The following PPEF2 variants were observed in gnomAD, a reference collection of about 807,000 sequenced individuals.
The protein encoded by PPEF2 is protein phosphatase with EF-hand domain 2.
Under a neutral mutation model 84.7 loss-of-function variants are expected in PPEF2, and 84 were observed. The ratio of observed to expected loss-of-function variants is 0.99; its 90% CI spans 0.83 to 1.19. The LOEUF is 1.19. Ranked by LOEUF, PPEF2 falls within the 50% of genes most tolerant of loss-of-function variation. The pLI is 0.00. For missense variants in PPEF2, 924 were observed against 937.5 expected, an observed-to-expected ratio of 0.99 and a Z score of 0.19; for synonymous variants, 346 against 345.2, an observed-to-expected ratio of 1.00 and a Z score of -0.03.
chr4:75,863,335 CA>C (rs55667727), intron 16 of PPEF2, among the ~76,000 whole-genome samples: 14,198 of 140,718 alleles, frequency 0.1, 1,666 homozygotes, highest in African/African-American at 0.29. Context: ...ACTAAAAATA[CA>C]AAAAAAAAAA....
chr4:75,897,918 T>G (rs932293191), intron 1 of PPEF2, among the ~76,000 whole-genome samples: 1 of 152,178 alleles, frequency 6.6e-6, no homozygotes, highest in Non-Finnish European at 1.5e-5. Context: ...GGAAATCAGG[T>G]GTCTCACAGC....
At chr4:75,881,289 AG>A (rs1040566270) in intron 10 of PPEF2, 1 of 151,076 alleles carries the variant, frequency 6.6e-6, no homozygotes, top group African/African-American at 2.4e-5. Flanking sequence ...TAGTAGAGAA[AG>A]GGTTTCACCA....
chr4:75,872,506 T>A (rs1044657154), intron 12 of PPEF2, among the ~76,000 whole-genome samples: 1 of 152,170 alleles, frequency 6.6e-6, no homozygotes, highest in Non-Finnish European at 1.5e-5. Flanking sequence ...GCCATTACAA[T>A]GAGCAAGAAG....
intron 8 of PPEF2, chr4:75,883,575 T>G (rs780823324): frequency 6.1e-5 from 12 of 195,702 alleles, no homozygotes; most frequent in Middle Eastern, 2.3e-3. Flanking sequence ...TCCCAGCACT[T>G]TGGGAGGCTG....
intron 11 of PPEF2, among the ~76,000 whole-genome samples, chr4:75,874,584 C>A (rs1724363179): frequency 6.6e-6 from 1 of 152,182 alleles, no homozygotes; most frequent in African/African-American, 2.4e-5. Flanking sequence ...CAGGCGTGAG[C>A]CACCACACTT....
chr4:75,862,404 T>C (rs1289578271), intron 16 of PPEF2, among the ~76,000 whole-genome samples: 1 of 151,916 alleles, frequency 6.6e-6, no homozygotes, highest in African/African-American at 2.4e-5. Flanking sequence ...GGCATATGTC[T>C]GATACTATCC....
chr4:75,883,963 T>C (rs1193309525), intron 8 of PPEF2, among the ~76,000 whole-genome samples: 1 of 146,736 alleles, frequency 6.8e-6, no homozygotes, highest in African/African-American at 2.5e-5. Flanking sequence ...AACCCGTCTC[T>C]ACTAAAAATA....
intron 10 of PPEF2, 64 bp downstream of exon 10, chr4:75,882,862 A>G: frequency 1.3e-6 from 2 of 1,531,114 alleles, no homozygotes; most frequent in Non-Finnish European, 8.9e-7. Flanking sequence ...ATGTAAGATG[A>G]CATTTATATT....
intron 16 of PPEF2, among the ~76,000 whole-genome samples, chr4:75,862,563 G>A (rs1468988085): frequency 6.6e-6 from 1 of 151,926 alleles, no homozygotes; most frequent in East Asian, 1.9e-4. Context: ...AACATCATTA[G>A]TTATTAAGGA....
At chr4:75,879,218 G>A (rs1480148599) in intron 10 of PPEF2, among the ~76,000 whole-genome samples, 1 of 152,154 alleles carries the variant, frequency 6.6e-6, no homozygotes, top group South Asian at 2.1e-4. Context: ...GCCTTGCAAT[G>A]TTCATAAAAT....
chr4:75,887,313 G>A (rs990268517), intron 6 of PPEF2, among the ~76,000 whole-genome samples: 1 of 152,164 alleles, frequency 6.6e-6, no homozygotes, highest in African/African-American at 2.4e-5. Flanking sequence ...AATTTCCAAT[G>A]TTGAAATACC....
chr4:75,861,571 G>A (rs183889850), intron 16 of PPEF2, among the ~76,000 whole-genome samples: 51 of 143,034 alleles, frequency 3.6e-4, no homozygotes, highest in African/African-American at 1.2e-3. Flanking sequence ...ACTCTTAGAA[G>A]CAAACATAAG....
rs1723979406 is a variant in PPEF2, at chr4:75,860,772, C to T, written c.2157G>A (p.Glu719=). Residue 719 remains glutamate (E), a synonymous_variant, in exon 17 of 17, where the codon GAG becomes GAA. Transcript: ENST00000286719. ...DGHIDINEFL[E]AFRLVEKSCP... is the part of the protein sequence containing the mutation. ...AGGATTTCTCCACAAGGCGGAAGGC[C>T]TCCAGGAACTCATTGATATCAATGT... is the stretch of plus-strand genomic sequence containing the variant. 6.2e-7 allele frequency: 1 copy of T among 1,614,218 alleles called. No individual in the cohort carries two copies.
At chr4:75,886,714 C>G in intron 7 of PPEF2, 138 bp downstream of exon 7, 1 of 398,810 alleles carries the variant, frequency 2.5e-6, no homozygotes, top group South Asian at 4.0e-5. Flanking sequence ...ATTGAGACCC[C>G]CATCTCAAAA....
intron 16 of PPEF2, among the ~76,000 whole-genome samples, chr4:75,862,280 G>A (rs1318218455): frequency 6.6e-5 from 8 of 121,280 alleles, no homozygotes; most frequent in Non-Finnish European, 9.5e-5. Context: ...GTGACAGAGC[G>A]AGACTCCATC....
intron 6 of PPEF2, among the ~76,000 whole-genome samples, chr4:75,887,179 A>G (rs1246334970): frequency 6.6e-6 from 1 of 152,250 alleles, no homozygotes; most frequent in African/African-American, 2.4e-5. Context: ...GCAAACCTAG[A>G]TGAGAACTGG....
Position 75,859,869 on chromosome 4 carries a change from G to T in PPEF2, c.*798C>A, listed in dbSNP as rs997615361. 6.6e-6 allele frequency: 1 copy of T among 152,100 alleles called. No individual in the cohort carries two copies. The highest frequency in any genetic ancestry group is 2.4e-5 in the African/African-American group (1 of 41,410). 9.4% of individuals were successfully genotyped at this position (152,100 alleles called of 1,614,324 possible). A position where few individuals can be genotyped will look rare whatever the true frequency, so the allele number is the denominator to read the frequency against. On this transcript the variant is annotated 3_prime_UTR_variant, in exon 17 of 17. Transcript: ENST00000286719. ...AATCACAAGGGAAGCACATGGGAAA[G>T]GGTTTACAATTAGATATTAATTTAT... is the stretch of plus-strand genomic sequence containing the variant.
intron 6 of PPEF2, among the ~76,000 whole-genome samples, 174 bp downstream of exon 6, chr4:75,888,040 A>C (rs1055558114): frequency 1.3e-5 from 2 of 152,102 alleles, no homozygotes; most frequent in African/African-American, 4.8e-5. Context: ...TCGCTGCACC[A>C]CCACCTCTTT....
intron 15 of PPEF2, among the ~76,000 whole-genome samples, chr4:75,865,432 G>A (rs774295953): frequency 5.3e-5 from 8 of 152,022 alleles, no homozygotes; most frequent in Non-Finnish European, 1.0e-4. Flanking sequence ...GTGTTGCCCA[G>A]GCTGGAGTGC....
Sources: gnomAD v4.1 joint callset for allele counts (sites outside exome capture counted in the v4.1 genomes callset) on GRCh38, gnomAD v4.1.1 for gene constraint, MANE v1.5 for transcripts, NCBI Gene and HGNC (gene_info 2026-07-23, HGNC 2026-07-21) for gene names.